Variants in RALGAPA1 observed in about 807,000 individuals in gnomAD.
The protein encoded by RALGAPA1 is Ral GTPase activating protein catalytic subunit alpha 1, also known as ral GTPase-activating protein subunit alpha-1.
Under a neutral mutation model 269.6 loss-of-function variants are expected in RALGAPA1, and 52 were observed. The observed-to-expected ratio is 0.19, with a 90% CI of 0.15 to 0.24. The LOEUF (loss-of-function observed/expected upper bound fraction) is 0.24, where lower values mean the gene tolerates loss of function less well. RALGAPA1 is among the 10% of genes least tolerant of loss of function. The pLI, the probability that RALGAPA1 is intolerant of heterozygous loss-of-function variation, is 1.00. For synonymous variants in RALGAPA1, 817 were observed against 1,008.3 expected, an observed-to-expected ratio of 0.81 and a Z score of 3.60; for missense variants, 1,917 against 3,013.9, an observed-to-expected ratio of 0.64 and a Z score of 8.52.
chr14:35,761,431 G>A (rs996087344), intron 5 of RALGAPA1, among the ~76,000 whole-genome samples: 2 of 151,960 alleles, frequency 1.3e-5, no homozygotes, highest in Non-Finnish European at 2.9e-5. Context: ...GGCACACTGC[G>A]AATTCAATGT....
chr14:35,578,488 T>G (rs1028716852), intron 37 of RALGAPA1, among the ~76,000 whole-genome samples: 3 of 152,212 alleles, frequency 2.0e-5, no homozygotes, highest in African/African-American at 7.2e-5. Flanking sequence ...AAAACATGCT[T>G]TAATATACCT....
chr14:35,686,778 A>G (rs2065977260), intron 18 of RALGAPA1, 112 bp from the exon 19 acceptor site: 1 of 498,036 alleles, frequency 2.0e-6, no homozygotes, highest in East Asian at 3.3e-5. Context: ...TTTGCCAAAC[A>G]TGCATTTATG....
At chr14:35,648,553 C>T (rs551837176) in intron 31 of RALGAPA1, among the ~76,000 whole-genome samples, 10 of 151,926 alleles carry the variant, frequency 6.6e-5, no homozygotes, top group African/African-American at 1.2e-4. Context: ...GAGGCCAAGG[C>T]GGGCGGTTCA....
At chr14:35,577,192 A>G (rs2057624335) in intron 37 of RALGAPA1, among the ~76,000 whole-genome samples, 1 of 152,094 alleles carries the variant, frequency 6.6e-6, no homozygotes, top group Non-Finnish European at 1.5e-5. Context: ...GTTAATTTCT[A>G]TAGTCTATGG....
chr14:35,745,701 C>G (rs929487356), intron 10 of RALGAPA1, among the ~76,000 whole-genome samples: 4 of 141,870 alleles, frequency 2.8e-5, no homozygotes, highest in African/African-American at 5.4e-5. Flanking sequence ...GAGGCAGAGT[C>G]TGCAGTGAGC....
intron 36 of RALGAPA1, among the ~76,000 whole-genome samples, chr14:35,600,430 C>T (rs2059226165): frequency 6.6e-6 from 1 of 151,840 alleles, no homozygotes; most frequent in Non-Finnish European, 1.5e-5. Context: ...TGGGATCTCA[C>T]TATGTTGCCC....
chr14:35,622,005 C>T (rs951088729), intron 35 of RALGAPA1, among the ~76,000 whole-genome samples: 6 of 152,048 alleles, frequency 3.9e-5, no homozygotes, highest in African/African-American at 9.7e-5. Flanking sequence ...CCAGCAATAC[C>T]GTTACTGGGT....
rs767552694 is a variant in RALGAPA1, at chr14:35,635,448, A to C, written c.5811+16T>G. The C allele has an allele frequency of 6.4e-6, 10 of 1,568,920 alleles. No individual in the cohort carries two copies. The highest frequency in any genetic ancestry group is 8.6e-6 in the Non-Finnish European group (10 of 1,160,878). On this transcript the variant is annotated intron_variant, in intron 32 of 41. Coordinates refer to ENST00000680220, the MANE Select transcript of RALGAPA1 (RefSeq NM_001346249.2). ...ACTCTTGGTTACCAAATAAATAATA[A>C]AGCAAGGAAGTTTACCTTATAAATG...
intron 21 of RALGAPA1, among the ~76,000 whole-genome samples, chr14:35,682,448 C>A (rs2065533783): frequency 6.6e-6 from 1 of 151,978 alleles, no homozygotes; most frequent in South Asian, 2.1e-4. Context: ...CTATACGCGC[C>A]CGCCACCACG....
intron 39 of RALGAPA1, among the ~76,000 whole-genome samples, chr14:35,550,892 G>A (rs192128297): frequency 6.6e-5 from 10 of 152,238 alleles, no homozygotes; most frequent in Admixed American, 6.5e-4. Flanking sequence ...GGATAATACG[G>A]ACATTTTTGA....
At chr14:35,705,592 C>G (rs929207557) in intron 16 of RALGAPA1, among the ~76,000 whole-genome samples, 3 of 152,024 alleles carry the variant, frequency 2.0e-5, no homozygotes, top group Non-Finnish European at 4.4e-5. Context: ...TGAAGAATAT[C>G]TTAGACAATT....
rs190009474 is a variant in RALGAPA1, at chr14:35,594,653, G to A, written c.7209+981C>T. ...AAAAAGGTAAGAGATAACAAACATC[G>A]GTAAGGATGTGGAGAAAGGGGAACA... On this transcript the variant is annotated intron_variant, in intron 37 of 41. Coordinates refer to ENST00000680220, the MANE Select transcript of RALGAPA1 (RefSeq NM_001346249.2). Among the ~76,000 whole-genome samples, 799 of 151,496 alleles carry A rather than the reference G, an allele frequency of 5.3e-3. 1 individual carries two copies. Among genetic ancestry groups the A allele is most frequent in the African/African-American group, 0.017 (722 of 41,278 alleles).
At chr14:35,770,632 T>C (rs543484847) in intron 4 of RALGAPA1, among the ~76,000 whole-genome samples, 4 of 152,336 alleles carry the variant, frequency 2.6e-5, no homozygotes, top group East Asian at 1.9e-4. Context: ...CTCTGATTCA[T>C]AGAGATTTCT....
intron 37 of RALGAPA1, among the ~76,000 whole-genome samples, chr14:35,584,297 T>C (rs1048786080): frequency 2.6e-5 from 4 of 152,088 alleles, no homozygotes; most frequent in Non-Finnish European, 4.4e-5. Context: ...CAGATCTCAC[T>C]TTGTCACTCA....
rs1449365217 is a variant in RALGAPA1 at position 35,700,231 on chromosome 14, C to T, written c.2338G>A (p.Val780Ile). 9.8e-6 allele frequency: 15 copies of T among 1,535,948 alleles called. No individual in the cohort carries two copies. The highest frequency in any genetic ancestry group is 1.3e-5 in the Non-Finnish European group (15 of 1,146,802). The change falls in exon 17 of 42, where the codon GTT (valine) becomes ATT (isoleucine). Residue 780 changes from valine to isoleucine, a missense_variant. Val to Ile is a conservative substitution (Grantham distance 29). Transcript: ENST00000680220. Reference protein sequence around the residue: ...AYIRSAKSAPVLIHTSKPFLP... With the variant: ...AYIRSAKSAPILIHTSKPFLP... Reference sequence around the variant, plus strand: ...AAGGGTTTGGAAGTATGGATCAGAACAGGAGCACTTTTAGCACTGCGTATA... The same window carrying T: ...AAGGGTTTGGAAGTATGGATCAGAATAGGAGCACTTTTAGCACTGCGTATA...
chr14:35,802,854 T>G (rs1379009934), intron 1 of RALGAPA1, among the ~76,000 whole-genome samples: 1 of 151,970 alleles, frequency 6.6e-6, no homozygotes, highest in Non-Finnish European at 1.5e-5. Context: ...GCTATTTCTT[T>G]TTTTTCTCTT....
chr14:35,609,076 A>G (rs574309915), intron 35 of RALGAPA1, among the ~76,000 whole-genome samples: 1 of 152,012 alleles, frequency 6.6e-6, no homozygotes, highest in Non-Finnish European at 1.5e-5. Context: ...AATACAAAAA[A>G]TTAGCCAGGC....
intron 37 of RALGAPA1, among the ~76,000 whole-genome samples, chr14:35,574,664 AT>A (rs2057425516): frequency 6.6e-6 from 1 of 152,172 alleles, no homozygotes; most frequent in Non-Finnish European, 1.5e-5. Context: ...AAATTGAGAA[AT>A]TGCTAATCAT....
chr14:35,682,152 C>T (rs1376828642), intron 21 of RALGAPA1, among the ~76,000 whole-genome samples: 1 of 152,152 alleles, frequency 6.6e-6, no homozygotes, highest in Non-Finnish European at 1.5e-5. Flanking sequence ...AAAATACATA[C>T]CTAAAAATGG....
Sources: allele counts gnomAD v4.1 joint callset (sites outside exome capture counted in the v4.1 genomes callset), GRCh38; gene constraint gnomAD v4.1.1; transcripts MANE v1.5; gene names NCBI Gene and HGNC (gene_info 2026-07-23, HGNC 2026-07-21).